ST6GALNAC3: variants seen among roughly 807,000 people sequenced by gnomAD.
ST6GALNAC3 encodes ST6 N-acetylgalactosaminide alpha-2,6-sialyltransferase 3, also known as alpha-N-acetylgalactosaminide alpha-2,6-sialyltransferase 3.
ST6GALNAC3 carries 25 observed loss-of-function variants against 32.7 expected under a neutral mutation model. The ratio of observed to expected loss-of-function variants is 0.76; its 90% CI spans 0.56 to 1.07. ST6GALNAC3 has a LOEUF of 1.07. Among genes scored for constraint, ST6GALNAC3 ranks in the 50% least tolerant of loss-of-function variants. The probability of loss-of-function intolerance (pLI) is 0.00; values close to 1 mark genes in which losing one functional copy is unlikely to be tolerated. For missense variants in ST6GALNAC3, 355 were observed against 382.4 expected (o/e 0.93, Z 0.60); for synonymous variants, 129 against 133.1 (o/e 0.97, Z 0.21).
chr1:76,601,464 G>A (rs967045894), intron 3 of ST6GALNAC3, among the ~76,000 whole-genome samples: 6 of 152,086 alleles, frequency 3.9e-5, no homozygotes, highest in Admixed American at 6.6e-5. Context: ...CATTAGCTCC[G>A]GAAGTAAAGG....
At chr1:76,431,779 C>A (rs188211373) in intron 3 of ST6GALNAC3, among the ~76,000 whole-genome samples, 1 of 152,028 alleles carries the variant, frequency 6.6e-6, no homozygotes, top group Non-Finnish European at 1.5e-5. Context: ...TATTAACATC[C>A]CCCCCGCCCA....
chr1:76,382,220 C>T (rs943700318), intron 2 of ST6GALNAC3, among the ~76,000 whole-genome samples: 3 of 151,966 alleles, frequency 2.0e-5, no homozygotes, highest in Non-Finnish European at 4.4e-5. Context: ...GTATGATAGG[C>T]AATAGAACAT....
chr1:76,249,174 G>A (rs1015017913), intron 1 of ST6GALNAC3, among the ~76,000 whole-genome samples: 22 of 152,230 alleles, frequency 1.4e-4, no homozygotes, highest in East Asian at 3.9e-4. Context: ...TACTCACAGC[G>A]TTGTGCAAAC....
chr1:76,526,162 G>A (rs1035440795), intron 3 of ST6GALNAC3, among the ~76,000 whole-genome samples: 16 of 151,728 alleles, frequency 1.1e-4, no homozygotes, highest in African/African-American at 3.1e-4. Context: ...CCAGGACGAC[G>A]ATAGAATTTT....
At chr1:76,383,457 T>G (rs1439350374) in intron 2 of ST6GALNAC3, among the ~76,000 whole-genome samples, 3 of 148,610 alleles carry the variant, frequency 2.0e-5, no homozygotes, top group Non-Finnish European at 4.5e-5. Context: ...TTTTTTTTTT[T>G]GTAGAGGCAG....
chr1:76,484,933 G>A (rs1230219385), intron 3 of ST6GALNAC3, among the ~76,000 whole-genome samples: 1 of 152,138 alleles, frequency 6.6e-6, no homozygotes, highest in Non-Finnish European at 1.5e-5. Flanking sequence ...TAGCATGAAA[G>A]GCTGTTGAAT....
intron 3 of ST6GALNAC3, among the ~76,000 whole-genome samples, chr1:76,454,169 T>A (rs890631209): frequency 3.9e-5 from 6 of 152,110 alleles, no homozygotes; most frequent in African/African-American, 1.4e-4. Flanking sequence ...TTTAGAAGAG[T>A]CCTTATGTGT....
intron 2 of ST6GALNAC3, among the ~76,000 whole-genome samples, chr1:76,331,999 C>T (rs1009569482): frequency 5.3e-5 from 8 of 152,140 alleles, no homozygotes; most frequent in Admixed American, 2.6e-4. Flanking sequence ...CAGTTTGTGG[C>T]GTCCTGTTAA....
chr1:76,583,309 A>G (rs772633861), intron 3 of ST6GALNAC3, among the ~76,000 whole-genome samples: 1 of 152,196 alleles, frequency 6.6e-6, no homozygotes, highest in Non-Finnish European at 1.5e-5. Context: ...GACAAAATGT[A>G]TGCAAGTGAT....
intron 3 of ST6GALNAC3, among the ~76,000 whole-genome samples, chr1:76,503,254 G>T (rs1661283993): frequency 6.6e-6 from 1 of 152,172 alleles, no homozygotes; most frequent in African/African-American, 2.4e-5. Flanking sequence ...TCTTTGTTCT[G>T]AATGTGTGTC....
intron 1 of ST6GALNAC3, among the ~76,000 whole-genome samples, chr1:76,166,613 C>T (rs764896648): frequency 4.1e-4 from 63 of 152,212 alleles, no homozygotes; most frequent in Non-Finnish European, 7.2e-4. Context: ...TTAACAATAT[C>T]GATTCTTCCT....
rs147376124 is a variant in ST6GALNAC3, at chr1:76,181,066, C to T, written c.18+106182C>T. ...GGAGTCACAGGCTCCCATCCCTGGACGCTGCTGTGGGGCCAGAGCCCAGCA... is the reference window on the plus strand; with the variant it reads ...GGAGTCACAGGCTCCCATCCCTGGATGCTGCTGTGGGGCCAGAGCCCAGCA... On this transcript the variant is annotated intron_variant, in intron 1 of 4. Coordinates refer to ENST00000328299, the MANE Select transcript of ST6GALNAC3 (RefSeq NM_152996.4). Among the ~76,000 whole-genome samples the T allele has an allele frequency of 5.7e-3, 870 of 152,328 alleles. 11 individuals carry two copies. Among genetic ancestry groups the T allele is most frequent in the African/African-American group, 0.02 (823 of 41,572 alleles).
intron 1 of ST6GALNAC3, among the ~76,000 whole-genome samples, chr1:76,201,464 G>A (rs1360806125): frequency 6.6e-6 from 1 of 152,186 alleles, no homozygotes; most frequent in Non-Finnish European, 1.5e-5. Flanking sequence ...AATTATGGGA[G>A]CTACAATTCA....
intron 3 of ST6GALNAC3, among the ~76,000 whole-genome samples, chr1:76,479,042 C>T (rs113719919): frequency 1.6e-3 from 248 of 152,176 alleles, no homozygotes; most frequent in Non-Finnish European, 2.9e-3. Context: ...GGATTACAGG[C>T]GTAACCCACC....
At chr1:76,277,252 A>ATG (rs1291231113) in intron 1 of ST6GALNAC3, among the ~76,000 whole-genome samples, 1 of 151,584 alleles carries the variant, frequency 6.6e-6, no homozygotes, top group Non-Finnish European at 1.5e-5. Context: ...GTGTATGCCT[A>ATG]TGTGTGTGTG....
chr1:76,379,752 C>T (rs1484483777), intron 2 of ST6GALNAC3, among the ~76,000 whole-genome samples: 3 of 152,086 alleles, frequency 2.0e-5, no homozygotes, highest in Admixed American at 1.3e-4. Flanking sequence ...AGCCCATCTG[C>T]GAAAATCAAT....
At chr1:76,272,348 A>G (rs953147501) in intron 1 of ST6GALNAC3, among the ~76,000 whole-genome samples, 1 of 146,928 alleles carries the variant, frequency 6.8e-6, no homozygotes, top group African/African-American at 2.5e-5. Flanking sequence ...AAAAAAAATT[A>G]AAACACCGTT....
At chr1:76,491,113 C>T (rs1477093928) in intron 3 of ST6GALNAC3, among the ~76,000 whole-genome samples, 2 of 152,246 alleles carry the variant, frequency 1.3e-5, no homozygotes, top group East Asian at 1.9e-4. Flanking sequence ...CCACCTTGGC[C>T]TTCCAAAGTG....
chr1:76,330,200 T>G (rs1647163865), intron 2 of ST6GALNAC3, among the ~76,000 whole-genome samples: 1 of 152,086 alleles, frequency 6.6e-6, no homozygotes, highest in Admixed American at 6.6e-5. Context: ...TCGCCCAGGC[T>G]GGAGTGCAGT....
Sources: gnomAD v4.1 joint callset for allele counts (sites outside exome capture counted in the v4.1 genomes callset) on GRCh38, gnomAD v4.1.1 for gene constraint, MANE v1.5 for transcripts, NCBI Gene and HGNC (gene_info 2026-07-23, HGNC 2026-07-21) for gene names.